RPL41: variants seen among roughly 807,000 people sequenced by gnomAD.
The protein encoded by RPL41 is small ribosomal subunit protein eS32.
A neutral mutation model predicts 7.3 loss-of-function variants in RPL41; 3 were observed. That is an observed-to-expected ratio of 0.41 (90% CI 0.19 to 1.06). RPL41 has a LOEUF of 1.06. Among genes scored for constraint, RPL41 ranks in the 50% least tolerant of loss-of-function variants. The pLI, the probability that RPL41 is intolerant of heterozygous loss-of-function variation, is 0.32. For synonymous variants in RPL41, 9 were observed against 7.4 expected, an observed-to-expected ratio of 1.21 and a Z score of -0.34; for missense variants, 13 against 30.4, an observed-to-expected ratio of 0.43 and a Z score of 1.35.
Position 56,116,681 on chromosome 12 carries a change from C to A in RPL41, c.-107C>A, listed in dbSNP as rs1057403065. The A allele has an allele frequency of 2.2e-6, 3 of 1,362,754 alleles. No homozygotes were observed. The African/African-American group carries it at 4.3e-5, about 20-fold the overall frequency. The allele number at this position is 1,362,754 out of a possible 1,614,324, so 84.4% of individuals were successfully genotyped here. On this transcript the variant is annotated 5_prime_UTR_variant, in exon 1 of 3. Coordinates refer to ENST00000546591, the MANE Select transcript of RPL41 (RefSeq NM_001035267.2). ...TTGGGTGAGTGTTTTTTGGTTCCTG[C>A]GTTGGGATTCCGTGTACAATCCATA...
In RPL41 at chr12:56,117,226, T is replaced by C; in HGVS notation, c.35+15T>C. 6.2e-7 allele frequency: 1 copy of C among 1,600,940 alleles called. No homozygotes were observed. On this transcript the variant is annotated intron_variant, in intron 2 of 2. Transcript: ENST00000546591. ...CGAATGCGCAGGTACGTTGAGACTT[T>C]GCCAGCCCAGGAGGAGGGAAGTTCC...
chr12:56,116,838 T>G (rs1592238323), intron 1 of RPL41, 39 bp downstream of exon 1: 1 of 1,613,604 alleles, frequency 6.2e-7, no homozygotes, highest in Non-Finnish European at 8.5e-7. Flanking sequence ...AGGTAGGAGT[T>G]GGCGAGTAGT....
chr12:56,117,119 C>T (rs1304625721), intron 1 of RPL41, 70 bp from the exon 2 acceptor site: 1 of 1,518,298 alleles, frequency 6.6e-7, no homozygotes, highest in Non-Finnish European at 8.8e-7. Flanking sequence ...CTTGCTAAGC[C>T]TACTAATAAG....
chr12:56,116,898 C>G (rs1869621526), intron 1 of RPL41, 99 bp downstream of exon 1: 2 of 1,459,326 alleles, frequency 1.4e-6, no homozygotes, highest in South Asian at 1.1e-5. Flanking sequence ...TACTGGGTTT[C>G]AAGGGTGCCC....
intron 1 of RPL41, 74 bp downstream of exon 1, chr12:56,116,873 C>T (rs1408658990): frequency 5.1e-6 from 8 of 1,562,728 alleles, no homozygotes; most frequent in Non-Finnish European, 7.1e-6. Flanking sequence ...GGCAAGTCCG[C>T]CATACCTCCT....
chr12:56,116,668 T>C lies in RPL41; in HGVS notation c.-120T>C, dbSNP rs3809132. 4,201 of 1,285,244 alleles carry C rather than the reference T, an allele frequency of 3.3e-3. 132 individuals carry two copies. The East Asian group carries it at 0.07, about 21-fold the overall frequency. 79.6% of individuals were successfully genotyped at this position (1,285,244 alleles called of 1,614,324 possible). A position where few individuals can be genotyped will look rare whatever the true frequency, so the allele number is the denominator to read the frequency against. The stretch of plus-strand genomic sequence containing the variant: ...TAGCGCCATTTTTTTGGGTGAGTGT[T>C]TTTTGGTTCCTGCGTTGGGATTCCG... On this transcript the variant is annotated 5_prime_UTR_variant, in exon 1 of 3. Transcript: ENST00000546591.
At chr12:56,117,045 A>G in intron 1 of RPL41, 144 bp from the exon 2 acceptor site, 1 of 1,271,920 alleles carries the variant, frequency 7.9e-7, no homozygotes, top group Non-Finnish European at 1.1e-6. Context: ...TGTAGTTGTT[A>G]CGACCAATCT....
At position 56,117,597 on chromosome 12, in the gene RPL41, C is replaced by T; in HGVS notation, c.*73C>T. On this transcript the variant is annotated 3_prime_UTR_variant, in exon 3 of 3. Coordinates refer to ENST00000546591, the MANE Select transcript of RPL41 (RefSeq NM_001035267.2). ...ATGCCAGACGCTGGGGATGCTGGTA[C>T]AAGTTGTGGGACTGCATGCTACTGT... 8.6e-7 allele frequency: 1 copy of T among 1,156,594 alleles called. No individual in the cohort carries two copies. The highest frequency in any genetic ancestry group is 1.3e-6 in the Non-Finnish European group (1 of 790,736). The allele number at this position is 1,156,594 out of a possible 1,614,324, so 71.6% of individuals were successfully genotyped here.
chr12:56,116,962 T>A (rs1443764805), intron 1 of RPL41, 163 bp downstream of exon 1: 8 of 1,140,152 alleles, frequency 7.0e-6, no homozygotes, highest in Non-Finnish European at 1.1e-5. Flanking sequence ...GGTTAAGTGC[T>A]ATGGGTAGAG....
chr12:56,116,633 C>G lies in RPL41; in HGVS notation c.-155C>G. The G allele has an allele frequency of 2.2e-6, 2 of 890,362 alleles. No individual in the cohort carries two copies. The highest frequency in any genetic ancestry group is 2.8e-5 in the South Asian group (2 of 71,002). The allele number at this position is 890,362 out of a possible 1,614,324, so 55.2% of individuals were successfully genotyped here. A position where few individuals can be genotyped will look rare whatever the true frequency, so the allele number is the denominator to read the frequency against. ...TAGCCGTAGACGGAACTTCGCCTTT[C>G]TCTCGGCCTTAGCGCCATTTTTTTG... is the stretch of plus-strand genomic sequence containing the variant. On this transcript the variant is annotated 5_prime_UTR_variant, in exon 1 of 3. Transcript: ENST00000546591.
At position 56,116,700 on chromosome 12, in the gene RPL41, A is replaced by G. The variant is rs1042394639; in HGVS notation, c.-88A>G. 3 of 1,498,052 alleles carry G rather than the reference A, an allele frequency of 2.0e-6. No homozygotes were observed. The highest frequency in any genetic ancestry group is 1.7e-5 in the Admixed American group (1 of 59,832). The allele number at this position is 1,498,052 out of a possible 1,614,324, so 92.8% of individuals were successfully genotyped here. On this transcript the variant is annotated 5_prime_UTR_variant, in exon 1 of 3. Transcript: ENST00000546591. The stretch of plus-strand genomic sequence containing the variant: ...TTCCTGCGTTGGGATTCCGTGTACA[A>G]TCCATAGACATCTGACCTCGGCACT...
intron 2 of RPL41, 51 bp downstream of exon 2, chr12:56,117,262 C>T (rs970782511): frequency 3.8e-6 from 6 of 1,573,566 alleles, no homozygotes; most frequent in South Asian, 1.2e-5. Flanking sequence ...TTGGACAAAA[C>T]TTAGGAGAAA....
At position 56,116,660 on chromosome 12, in the gene RPL41, G is replaced by GTGAGTGT. The variant is rs1869605746; in HGVS notation, c.-126_-120dup. On this transcript the variant is annotated 5_prime_UTR_variant, in exon 1 of 3. Coordinates refer to ENST00000546591, the MANE Select transcript of RPL41 (RefSeq NM_001035267.2). The stretch of plus-strand genomic sequence containing the variant: ...CTCGGCCTTAGCGCCATTTTTTTGG[G>GTGAGTGT]TGAGTGTTTTTTGGTTCCTGCGTTG... 1.7e-6 allele frequency: 2 copies of GTGAGTGT among 1,152,264 alleles called. No individual in the cohort carries two copies. The highest frequency in any genetic ancestry group is 3.1e-5 in the African/African-American group (2 of 65,398). The allele number at this position is 1,152,264 out of a possible 1,614,324, so 71.4% of individuals were successfully genotyped here.
chr12:56,117,061 A>G, intron 1 of RPL41, 128 bp from the exon 2 acceptor site: 1 of 1,344,606 alleles, frequency 7.4e-7, no homozygotes, highest in Non-Finnish European at 1.0e-6. Context: ...AATCTTTCAT[A>G]CTTCTTGGTT....
chr12:56,116,848 T>C, intron 1 of RPL41, 49 bp downstream of exon 1: 1 of 1,612,194 alleles, frequency 6.2e-7, no homozygotes, highest in Non-Finnish European at 8.5e-7. Context: ...TGGCGAGTAG[T>C]AGCGAGGAGA....
chr12:56,116,896 T>G, intron 1 of RPL41, 97 bp downstream of exon 1: 1 of 1,496,840 alleles, frequency 6.7e-7, no homozygotes, highest in East Asian at 2.3e-5. Context: ...ACTACTGGGT[T>G]TCAAGGGTGC....
chr12:56,117,780 A>T lies in RPL41; in HGVS notation c.*256A>T. 2.0e-6 allele frequency: 1 copy of T among 507,340 alleles called. No homozygotes were observed. The highest frequency in any genetic ancestry group is 2.0e-5 in the South Asian group (1 of 49,910). The allele number at this position is 507,340 out of a possible 1,614,324, so 31.4% of individuals were successfully genotyped here. ...CTGTGTTTATTTGTGGCCGAGTGTA[A>T]CAACCATATAATAAATCACCTCTTC... On this transcript the variant is annotated 3_prime_UTR_variant, in exon 3 of 3. Transcript: ENST00000546591.
chr12:56,116,839 G>C, intron 1 of RPL41, 40 bp downstream of exon 1: 1 of 1,613,658 alleles, frequency 6.2e-7, no homozygotes, highest in Non-Finnish European at 8.5e-7. Flanking sequence ...GGTAGGAGTT[G>C]GCGAGTAGTA....
chr12:56,117,019 G>A, intron 1 of RPL41, 170 bp from the exon 2 acceptor site: 1 of 1,091,000 alleles, frequency 9.2e-7, no homozygotes, highest in Non-Finnish European at 1.3e-6. Context: ...TGTTGGGAGG[G>A]TGTCCAAGTT....
Sources: gnomAD v4.1 joint callset for allele counts on GRCh38, gnomAD v4.1.1 for gene constraint, MANE v1.5 for transcripts, NCBI Gene and HGNC (gene_info 2026-07-23, HGNC 2026-07-21) for gene names.